DMD: variants seen among roughly 807,000 people sequenced by gnomAD.
DMD encodes mutant dystrophin.
In DMD, 63 loss-of-function variants were observed where a neutral mutation model predicts 330.1. The ratio of observed to expected loss-of-function variants is 0.19; its 90% CI spans 0.16 to 0.24. The LOEUF is 0.24. DMD is among the 10% of genes least tolerant of loss of function. DMD has a pLI of 1.00. For missense variants in DMD, 3,344 were observed against 2,684.1 expected (o/e 1.25, Z -5.43); for synonymous variants, 1,223 against 959.8 (o/e 1.27, Z -5.07).
chrX:32,564,812 C>A (rs1239100369), intron 16 of DMD, among the ~76,000 whole-genome samples: 1 of 111,213 alleles, frequency 9.0e-6, no homozygotes, highest in Non-Finnish European at 1.9e-5. Context: ...GATGTCAGGT[C>A]TCAAGAAAAC....
intron 9 of DMD, among the ~76,000 whole-genome samples, chrX:32,696,224 G>A (rs765700451): frequency 9.0e-6 from 1 of 111,657 alleles, no homozygotes; most frequent in South Asian, 3.7e-4. Flanking sequence ...CAGCCTGTAG[G>A]GGCAGTGAAA....
At chrX:32,085,618 G>GTATATATATACA (rs2096428985) in intron 44 of DMD, among the ~76,000 whole-genome samples, 2 of 77,818 alleles carry the variant, frequency 2.6e-5, no homozygotes, top group South Asian at 5.6e-4. Flanking sequence ...ATATATATAC[G>GTATATATATACA]TATATATATA....
intron 43 of DMD, among the ~76,000 whole-genome samples, chrX:32,275,994 C>A (rs1436001344): frequency 4.5e-5 from 5 of 111,753 alleles, no homozygotes; most frequent in Non-Finnish European, 3.8e-5. Flanking sequence ...TCTTGAATCA[C>A]CAACACCACA....
rs1479040512 is a variant in DMD at position 31,574,149 on chromosome X, T to TG, written c.8217+53523_8217+53524insC. Among the ~76,000 whole-genome samples, 17 of 99,530 alleles carry TG rather than the reference T, an allele frequency of 1.7e-4. No homozygotes were observed. In the East Asian group the frequency reaches 5.0e-3, roughly 29 times the overall value. 86.4% of individuals were successfully genotyped at this position (99,530 alleles called of 115,157 possible). A position where few individuals can be genotyped will look rare whatever the true frequency, so the allele number is the denominator to read the frequency against. On this transcript the variant is annotated intron_variant, in intron 55 of 78. Coordinates refer to ENST00000357033, the MANE Select transcript of DMD (RefSeq NM_004006.3). ...TGATCTGTTTGTTTTTTTTTTTGTT[T>TG]TTTTTTTTTTTTGAGGCAGAGTCTG... is the stretch of plus-strand genomic sequence containing the variant.
At chrX:33,322,383 T>A (rs1472461977) in intron 1 of DMD, among the ~76,000 whole-genome samples, 1 of 102,010 alleles carries the variant, frequency 9.8e-6, no homozygotes, top group Non-Finnish European at 2.0e-5. Flanking sequence ...GGGAGACAGA[T>A]GTGGGGGGGT....
At chrX:31,611,526 CT>C (rs1332891436) in intron 55 of DMD, among the ~76,000 whole-genome samples, 1 of 111,973 alleles carries the variant, frequency 8.9e-6, no homozygotes, top group Non-Finnish European at 1.9e-5. Context: ...AGCGAATAGG[CT>C]TTTCCCCATT....
At chrX:31,806,593 G>A (rs1202564404) in intron 50 of DMD, among the ~76,000 whole-genome samples, 1 of 112,490 alleles carries the variant, frequency 8.9e-6, no homozygotes, top group Non-Finnish European at 1.9e-5. Flanking sequence ...CAGTTATTCT[G>A]CTACCTCCAA....
chrX:32,647,437 T>C (rs1406702126), intron 9 of DMD, among the ~76,000 whole-genome samples: 1 of 111,775 alleles, frequency 8.9e-6, no homozygotes, highest in Admixed American at 9.5e-5. Flanking sequence ...TAATGCTTCC[T>C]ATCTGAACCA....
intron 1 of DMD, among the ~76,000 whole-genome samples, chrX:33,121,317 G>A (rs753896273): frequency 1.2e-4 from 13 of 107,429 alleles, no homozygotes; most frequent in African/African-American, 2.4e-4. Flanking sequence ...CGAAACCTCC[G>A]CCTCCCAGGT....
intron 50 of DMD, among the ~76,000 whole-genome samples, chrX:31,802,054 A>G (rs1246195745): frequency 3.6e-5 from 4 of 111,557 alleles, no homozygotes; most frequent in African/African-American, 1.3e-4. Flanking sequence ...TAAGCAAAAC[A>G]AAACTAGGAG....
intron 45 of DMD, among the ~76,000 whole-genome samples, chrX:31,964,928 C>G (rs2095338641): frequency 9.0e-6 from 1 of 111,179 alleles, no homozygotes; most frequent in South Asian, 3.7e-4. Flanking sequence ...TAAGCAATAT[C>G]AGACTTGTCT....
At chrX:32,871,112 C>T (rs952249285) in intron 2 of DMD, among the ~76,000 whole-genome samples, 2 of 100,476 alleles carry the variant, frequency 2.0e-5, no homozygotes, top group Non-Finnish European at 4.0e-5. Context: ...TGGATAGACC[C>T]ACCCTCCTCC....
At chrX:31,212,146 TTATATATA>T (rs375944446) in intron 64 of DMD, among the ~76,000 whole-genome samples, 65 of 91,759 alleles carry the variant, frequency 7.1e-4, no homozygotes, top group South Asian at 5.1e-3. Flanking sequence ...ATTAAATATA[TTATATATA>T]TATATATATA....
chrX:31,304,464 G>A (rs1477661135), intron 62 of DMD, among the ~76,000 whole-genome samples: 2 of 110,139 alleles, frequency 1.8e-5, no homozygotes, highest in East Asian at 5.6e-4. Flanking sequence ...TTTACCTCCT[G>A]TACCTTGTTA....
At chrX:32,256,031 A>G (rs1415449920) in intron 43 of DMD, among the ~76,000 whole-genome samples, 2 of 111,337 alleles carry the variant, frequency 1.8e-5, no homozygotes, top group Non-Finnish European at 3.8e-5. Flanking sequence ...CTGGAATGTT[A>G]AAGATCAGGG....
chrX:32,856,302 T>C (rs1031960136), intron 2 of DMD, among the ~76,000 whole-genome samples: 5 of 111,891 alleles, frequency 4.5e-5, no homozygotes, highest in African/African-American at 1.3e-4. Flanking sequence ...GCAATCCTAC[T>C]GCCGGGTATA....
chrX:31,282,548 TAA>T (rs763029600), intron 62 of DMD, among the ~76,000 whole-genome samples: 2 of 103,174 alleles, frequency 1.9e-5, no homozygotes, highest in Admixed American at 1.0e-4. Context: ...ATATAAATAG[TAA>T]AAAAAAAAAA....
At chrX:32,785,720 C>T (rs1012841321) in intron 7 of DMD, among the ~76,000 whole-genome samples, 2 of 110,920 alleles carry the variant, frequency 1.8e-5, no homozygotes, top group African/African-American at 3.3e-5. Context: ...TAACTTTTTT[C>T]GTATTTCACA....
chrX:32,076,404 G>C (rs1378832955), intron 44 of DMD, among the ~76,000 whole-genome samples: 3 of 99,117 alleles, frequency 3.0e-5, no homozygotes, highest in Non-Finnish European at 4.0e-5. Flanking sequence ...TTTTGAGACA[G>C]AGTCTCGCTC....
Sources: allele counts gnomAD v4.1 joint callset (sites outside exome capture counted in the v4.1 genomes callset), GRCh38; gene constraint gnomAD v4.1.1; transcripts MANE v1.5; gene names NCBI Gene and HGNC (gene_info 2026-07-23, HGNC 2026-07-21).